Variants in TTLL5 observed in about 807,000 individuals in gnomAD.
TTLL5 encodes the protein tubulin polyglutamylase TTLL5.
In TTLL5, 132 loss-of-function variants were observed where a neutral mutation model predicts 168.4. The observed-to-expected ratio is 0.78, with a 90% CI of 0.68 to 0.91. The LOEUF (loss-of-function observed/expected upper bound fraction) is 0.91, where lower values mean the gene tolerates loss of function less well. Among genes scored for constraint, TTLL5 ranks in the 40% least tolerant of loss-of-function variants. TTLL5 has a pLI of 0.00. For synonymous variants in TTLL5, 546 were observed against 558.6 expected, an observed-to-expected ratio of 0.98 and a Z score of 0.32; for missense variants, 1,545 against 1,581.5, an observed-to-expected ratio of 0.98 and a Z score of 0.39.
intron 26 of TTLL5, among the ~76,000 whole-genome samples, chr14:75,791,048 G>A (rs1233570408): frequency 3.5e-5 from 5 of 142,850 alleles, no homozygotes. Flanking sequence ...GGAGCTTGCA[G>A]TGAGCCAAGA....
chr14:75,713,864 T>C (rs571858484), intron 9 of TTLL5, among the ~76,000 whole-genome samples: 4 of 152,324 alleles, frequency 2.6e-5, no homozygotes, highest in Admixed American at 6.5e-5. Flanking sequence ...TTTGAACTTA[T>C]AGAGTTGTCA....
intron 31 of TTLL5, among the ~76,000 whole-genome samples, chr14:75,910,536 A>G (rs1005868813): frequency 3.3e-5 from 5 of 152,234 alleles, no homozygotes; most frequent in Admixed American, 2.6e-4. Context: ...TTATAGCCAC[A>G]TACCTTTGCT....
chr14:75,860,003 A>G (rs1462867135), intron 28 of TTLL5, among the ~76,000 whole-genome samples: 1 of 152,208 alleles, frequency 6.6e-6, no homozygotes, highest in Non-Finnish European at 1.5e-5. Context: ...GCAGTGTAAA[A>G]ATGCCTGCCT....
At chr14:75,905,195 T>A (rs1401087029) in intron 31 of TTLL5, among the ~76,000 whole-genome samples, 1 of 152,230 alleles carries the variant, frequency 6.6e-6, no homozygotes, top group Non-Finnish European at 1.5e-5. Context: ...TATGTAGGAA[T>A]CCCTAAACCA....
chr14:75,782,484 C>A lies in TTLL5; in HGVS notation c.2516-3C>A. The A allele has an allele frequency of 6.2e-7, 1 of 1,610,454 alleles. No individual in the cohort carries two copies. Among genetic ancestry groups the A allele is most frequent in the Non-Finnish European group, 8.5e-7 (1 of 1,178,202 alleles). On this transcript the variant is annotated splice_region_variant and splice_polypyrimidine_tract_variant and intron_variant, in intron 24 of 31. Coordinates refer to ENST00000298832, the MANE Select transcript of TTLL5 (RefSeq NM_015072.5). ...AGTCCAAGCTCATTATTTCTTATTTCAGATCACCCTGAGACTATAATGGAA... is the reference window on the plus strand; with the variant it reads ...AGTCCAAGCTCATTATTTCTTATTTAAGATCACCCTGAGACTATAATGGAA...
At chr14:75,943,435 G>A (rs1267018192) in intron 31 of TTLL5, among the ~76,000 whole-genome samples, 2 of 152,138 alleles carry the variant, frequency 1.3e-5, no homozygotes, top group Admixed American at 1.3e-4. Context: ...CTGGAAACTT[G>A]GTGCTAAATG....
At chr14:75,811,512 T>C (rs1346442262) in intron 27 of TTLL5, among the ~76,000 whole-genome samples, 1 of 152,194 alleles carries the variant, frequency 6.6e-6, no homozygotes, top group Admixed American at 6.5e-5. Flanking sequence ...TTATGGCACT[T>C]ACTGCATTCT....
intron 27 of TTLL5, chr14:75,818,654 AT>A (rs34861864): frequency 0.65 from 92,551 of 143,100 alleles, 28,087 homozygotes; most frequent in Non-Finnish European, 0.7. Flanking sequence ...CGCCTGGCTA[AT>A]TTTTTTTTTT....
chr14:75,903,693 C>T (rs965846269), intron 31 of TTLL5, among the ~76,000 whole-genome samples: 21 of 151,652 alleles, frequency 1.4e-4, no homozygotes, highest in African/African-American at 5.1e-4. Context: ...CTCTTGAGAC[C>T]AGCCTGGGCA....
chr14:75,807,161 T>C lies in TTLL5; in HGVS notation c.3172-12846T>C, dbSNP rs368652588. On this transcript the variant is annotated intron_variant, in intron 27 of 31. Transcript: ENST00000298832. Reference sequence around the variant, plus strand: ...GTTTTTATATTTTCTTTAAAAACGATTGATGGCTGGGTGCAGTGGCGCACT... The same window carrying C: ...GTTTTTATATTTTCTTTAAAAACGACTGATGGCTGGGTGCAGTGGCGCACT... Among the ~76,000 whole-genome samples, 76 of 152,290 alleles carry C rather than the reference T, an allele frequency of 5.0e-4. 1 individual carries two copies. The South Asian group carries it at 0.015, about 30-fold the overall frequency.
chr14:75,783,357 C>T lies in TTLL5; in HGVS notation c.2813C>T (p.Thr938Ile). The part of the protein sequence containing the change: ...MPHQPTILLN[T>I]VSASASPCLH... ...CACCAGCCAACAATTTTACTGAACA[C>T]AGTCTCTGCCAGTGCTTCTCCCTGC... Residue 938 changes from threonine to isoleucine, a missense_variant, in exon 26 of 32, where the codon ACA becomes ATA. Transcript: ENST00000298832. The T allele has an allele frequency of 6.2e-7, 1 of 1,614,202 alleles. No homozygotes were observed. The highest frequency in any genetic ancestry group is 8.5e-7 in the Non-Finnish European group (1 of 1,180,032).
chr14:75,761,005 C>G (rs1419390942), intron 18 of TTLL5, among the ~76,000 whole-genome samples: 1 of 152,082 alleles, frequency 6.6e-6, no homozygotes, highest in African/African-American at 2.4e-5. Context: ...GGATTGATAT[C>G]TAGGAACTAT....
intron 9 of TTLL5, among the ~76,000 whole-genome samples, chr14:75,714,064 T>G (rs1445798413): frequency 2.6e-5 from 4 of 152,158 alleles, no homozygotes; most frequent in African/African-American, 9.7e-5. Flanking sequence ...AGTCTTTCTT[T>G]GACTTTCATG....
chr14:75,882,529 C>G (rs1215151354), intron 29 of TTLL5, among the ~76,000 whole-genome samples, 156 bp from the exon 30 acceptor site: 1 of 152,112 alleles, frequency 6.6e-6, no homozygotes, highest in Non-Finnish European at 1.5e-5. Context: ...GAATCTAGAG[C>G]TGCACTGGCA....
intron 28 of TTLL5, 53 bp from the exon 29 acceptor site, chr14:75,863,614 A>G: frequency 6.7e-7 from 1 of 1,502,992 alleles, no homozygotes; most frequent in Non-Finnish European, 9.0e-7. Flanking sequence ...CCTTTCCTCT[A>G]GATTGTTCAT....
At chr14:75,892,919 G>A (rs1203774526) in intron 30 of TTLL5, among the ~76,000 whole-genome samples, 1 of 152,122 alleles carries the variant, frequency 6.6e-6, no homozygotes, top group Admixed American at 6.5e-5. Context: ...CTGGGTGAAG[G>A]CAACTATATA....
chr14:75,702,301 G>T (rs532615076), intron 7 of TTLL5, among the ~76,000 whole-genome samples: 1 of 152,182 alleles, frequency 6.6e-6, no homozygotes, highest in Non-Finnish European at 1.5e-5. Context: ...CTGCTCTGAC[G>T]TTGGTGTTGA....
intron 29 of TTLL5, among the ~76,000 whole-genome samples, chr14:75,873,908 G>T (rs1405587200): frequency 1.3e-5 from 2 of 152,136 alleles, no homozygotes; most frequent in African/African-American, 4.8e-5. Context: ...ATTAAAGAAA[G>T]TGTCTTAGGA....
At chr14:75,677,009 C>G (rs889976089) in intron 3 of TTLL5, among the ~76,000 whole-genome samples, 5 of 152,092 alleles carry the variant, frequency 3.3e-5, no homozygotes, top group African/African-American at 1.2e-4. Flanking sequence ...TGGCCTCAAG[C>G]AGCCCTCCCA....
Sources: allele counts gnomAD v4.1 joint callset (sites outside exome capture counted in the v4.1 genomes callset), GRCh38; gene constraint gnomAD v4.1.1; transcripts MANE v1.5; gene names NCBI Gene and HGNC (gene_info 2026-07-23, HGNC 2026-07-21).